The following CADPS2 variants were observed in gnomAD, a reference collection of about 807,000 sequenced individuals.
CADPS2 encodes the protein calcium dependent secretion activator 2.
In CADPS2, 93 loss-of-function variants were observed where a neutral mutation model predicts 172.5. The observed-to-expected ratio is 0.54, with a 90% CI of 0.46 to 0.64. CADPS2 has a LOEUF of 0.64. Ranked by LOEUF, CADPS2 falls within the 30% of genes least tolerant of loss-of-function variation. CADPS2 has a pLI of 0.00. For synonymous variants in CADPS2, 546 were observed against 555.2 expected (o/e 0.98, Z 0.23); for missense variants, 1,420 against 1,565.9 (o/e 0.91, Z 1.57).
At chr7:122,413,225 G>A (rs2047514678) in intron 19 of CADPS2, 1 of 152,224 alleles carries the variant, frequency 6.6e-6, no homozygotes, top group Admixed American at 6.5e-5. Context: ...CTTTTAGATG[G>A]AGAGTTGTCA....
intron 2 of CADPS2, among the ~76,000 whole-genome samples, chr7:122,687,017 A>G (rs2083724677): frequency 6.6e-6 from 1 of 152,190 alleles, no homozygotes; most frequent in African/African-American, 2.4e-5. Context: ...ACTTTTAAAA[A>G]GGATTGATAT....
intron 2 of CADPS2, among the ~76,000 whole-genome samples, chr7:122,696,604 T>G (rs543844024): frequency 6.6e-6 from 1 of 152,300 alleles, no homozygotes; most frequent in South Asian, 2.1e-4. Flanking sequence ...TCCTCTTCAC[T>G]AGGTCACCCT....
intron 20 of CADPS2, among the ~76,000 whole-genome samples, chr7:122,397,033 T>C (rs1035512369): frequency 2.0e-5 from 3 of 152,176 alleles, no homozygotes; most frequent in African/African-American, 7.2e-5. Context: ...ATAAAATATA[T>C]AGCATTAAAT....
At chr7:122,720,982 A>G (rs758471904) in intron 2 of CADPS2, among the ~76,000 whole-genome samples, 3 of 152,034 alleles carry the variant, frequency 2.0e-5, no homozygotes, top group Non-Finnish European at 4.4e-5. Context: ...TAACATACTT[A>G]ATCTTAATTT....
chr7:122,796,860 T>A (rs1411173262), intron 1 of CADPS2, among the ~76,000 whole-genome samples: 1 of 151,664 alleles, frequency 6.6e-6, no homozygotes, highest in Admixed American at 6.6e-5. Flanking sequence ...AAACAAAAAC[T>A]GATGAATGGG....
At position 122,810,242 on chromosome 7, in the gene CADPS2, G is replaced by A. The variant is rs544496893; in HGVS notation, c.340-73174C>T. On this transcript the variant is annotated intron_variant, in intron 1 of 29. Coordinates refer to ENST00000449022, the MANE Select transcript of CADPS2 (RefSeq NM_017954.11). Reference sequence around the variant, plus strand: ...TCCCCAGAACTCTTCAGATTCCCTAGTAAGTGGGAAGGTAAGTAAGGAGGT... The same window carrying A: ...TCCCCAGAACTCTTCAGATTCCCTAATAAGTGGGAAGGTAAGTAAGGAGGT... Among the ~76,000 whole-genome samples the A allele has an allele frequency of 2.0e-5, 3 of 152,228 alleles. 1 individual carries two copies. The East Asian group carries it at 5.8e-4, about 29-fold the overall frequency.
intron 20 of CADPS2, among the ~76,000 whole-genome samples, chr7:122,401,413 T>A (rs1475859403): frequency 6.6e-6 from 1 of 152,152 alleles, no homozygotes; most frequent in African/African-American, 2.4e-5. Flanking sequence ...GATTAAAAGG[T>A]GACTAGCTCC....
chr7:122,868,950 G>C (rs897907054), intron 1 of CADPS2, among the ~76,000 whole-genome samples: 3 of 152,106 alleles, frequency 2.0e-5, no homozygotes, highest in African/African-American at 7.2e-5. Flanking sequence ...CCTAAGTCAA[G>C]AGGAAGAGAA....
chr7:122,533,010 C>T (rs1034966827), intron 8 of CADPS2, among the ~76,000 whole-genome samples: 3 of 151,530 alleles, frequency 2.0e-5, no homozygotes, highest in Non-Finnish European at 4.4e-5. Context: ...AGGGTTAATA[C>T]ATAAATGCTC....
chr7:122,784,477 T>C (rs1355376359), intron 1 of CADPS2, among the ~76,000 whole-genome samples: 1 of 152,262 alleles, frequency 6.6e-6, no homozygotes. Context: ...TCATTTACTG[T>C]TTGATTCACA....
chr7:122,766,383 TAG>T (rs1178059208), intron 1 of CADPS2, among the ~76,000 whole-genome samples: 1 of 152,120 alleles, frequency 6.6e-6, no homozygotes, highest in Non-Finnish European at 1.5e-5. Flanking sequence ...AAATGCAATA[TAG>T]AGTGACTATT....
intron 3 of CADPS2, among the ~76,000 whole-genome samples, chr7:122,657,991 C>A (rs1032012884): frequency 2.6e-5 from 4 of 152,130 alleles, no homozygotes; most frequent in Non-Finnish European, 4.4e-5. Context: ...ATCTACTCAT[C>A]TGATAAAGGG....
intron 1 of CADPS2, among the ~76,000 whole-genome samples, chr7:122,774,149 ATATAT>A (rs1387481162): frequency 6.6e-6 from 1 of 152,018 alleles, no homozygotes; most frequent in Non-Finnish European, 1.5e-5. Flanking sequence ...CTATTGCCAT[ATATAT>A]TAATCTCTAA....
chr7:122,501,241 T>C (rs982444162), intron 9 of CADPS2, among the ~76,000 whole-genome samples: 1 of 151,878 alleles, frequency 6.6e-6, no homozygotes, highest in Non-Finnish European at 1.5e-5. Flanking sequence ...GGTGACAGAG[T>C]GAACTCTGTC....
intron 19 of CADPS2, among the ~76,000 whole-genome samples, chr7:122,413,757 G>A (rs2047578274): frequency 1.3e-5 from 2 of 152,124 alleles, no homozygotes; most frequent in Admixed American, 1.3e-4. Flanking sequence ...CAGAGAAAAC[G>A]TGAGATTTTC....
intron 25 of CADPS2, among the ~76,000 whole-genome samples, chr7:122,363,065 T>C (rs1021870033): frequency 1.3e-5 from 2 of 152,166 alleles, no homozygotes; most frequent in African/African-American, 4.8e-5. Context: ...ATTGCTCACA[T>C]GTAGAAGTTA....
intron 20 of CADPS2, among the ~76,000 whole-genome samples, chr7:122,403,083 A>G (rs1296107938): frequency 1.3e-5 from 2 of 152,224 alleles, no homozygotes; most frequent in African/African-American, 4.8e-5. Flanking sequence ...TTTGAATTGA[A>G]TTCACTAAAT....
chr7:122,479,740 T>A (rs927420706), intron 12 of CADPS2, among the ~76,000 whole-genome samples: 4 of 152,178 alleles, frequency 2.6e-5, no homozygotes, highest in Non-Finnish European at 4.4e-5. Context: ...AAATAATATG[T>A]TCAATGTAAA....
At chr7:122,773,611 T>C (rs2093773132) in intron 1 of CADPS2, among the ~76,000 whole-genome samples, 2 of 151,994 alleles carry the variant, frequency 1.3e-5, no homozygotes, top group African/African-American at 2.4e-5. Context: ...AAAAGAGCTG[T>C]AGGATTCATA....
Sources: gnomAD v4.1 joint callset for allele counts (sites outside exome capture counted in the v4.1 genomes callset) on GRCh38, gnomAD v4.1.1 for gene constraint, MANE v1.5 for transcripts, NCBI Gene and HGNC (gene_info 2026-07-23, HGNC 2026-07-21) for gene names.